LMBR1: variants seen among roughly 807,000 people sequenced by gnomAD.
LMBR1 encodes limb region 1 protein homolog.
In LMBR1, 52 loss-of-function variants were observed where a neutral mutation model predicts 73.9. The observed-to-expected ratio is 0.70, with a 90% CI of 0.56 to 0.89. The LOEUF is 0.89. Among genes scored for constraint, LMBR1 ranks in the 40% least tolerant of loss-of-function variants. The pLI is 0.00. For missense variants in LMBR1, 539 were observed against 579.8 expected, an observed-to-expected ratio of 0.93 and a Z score of 0.72; for synonymous variants, 215 against 209.4, an observed-to-expected ratio of 1.03 and a Z score of -0.23.
At position 156,679,493 on chromosome 7, in the gene LMBR1, AAT is replaced by A. The variant is rs1379645743; in HGVS notation, c.*4583_*4584del. The A allele has an allele frequency of 6.8e-6, 1 of 146,074 alleles. No individual in the cohort carries two copies. The highest frequency in any genetic ancestry group is 2.1e-4 in the East Asian group (1 of 4,784). 9.0% of individuals were successfully genotyped at this position (146,074 alleles called of 1,614,324 possible). A position where few individuals can be genotyped will look rare whatever the true frequency, so the allele number is the denominator to read the frequency against. The stretch of plus-strand genomic sequence containing the variant: ...AGATGCTGTTAAAGAGAAGTTGCAG[AAT>A]CAATATAAATAGCTACAGCAGTATC... On this transcript the variant is annotated 3_prime_UTR_variant, in exon 17 of 17. Transcript: ENST00000353442.
At chr7:156,818,550 G>T (rs891677515) in intron 4 of LMBR1, among the ~76,000 whole-genome samples, 3 of 152,112 alleles carry the variant, frequency 2.0e-5, no homozygotes, top group Non-Finnish European at 4.4e-5. Flanking sequence ...AATTTTTATT[G>T]TTATTTAGCT....
chr7:156,887,522 A>G (rs1384137504), intron 1 of LMBR1, among the ~76,000 whole-genome samples: 3 of 151,988 alleles, frequency 2.0e-5, no homozygotes, highest in Non-Finnish European at 2.9e-5. Flanking sequence ...TTAATTCAAA[A>G]TGGATCAGAC....
intron 3 of LMBR1, among the ~76,000 whole-genome samples, chr7:156,831,025 C>A (rs189326542): frequency 6.6e-6 from 1 of 152,178 alleles, no homozygotes; most frequent in Admixed American, 6.5e-5. Flanking sequence ...CAGGAAAACA[C>A]GGTAAGGAAG....
intron 1 of LMBR1, among the ~76,000 whole-genome samples, chr7:156,852,949 T>C (rs1047297217): frequency 7.2e-5 from 11 of 152,056 alleles, no homozygotes; most frequent in Non-Finnish European, 1.3e-4. Flanking sequence ...ATGCTTTTTT[T>C]TTTTTTTGAG....
intron 3 of LMBR1, 178 bp downstream of exon 3, chr7:156,833,575 G>C (rs1282762682): frequency 1.0e-5 from 3 of 296,462 alleles, no homozygotes; most frequent in Non-Finnish European, 1.7e-5. Flanking sequence ...AATTCCAATA[G>C]GAGATTGGAT....
chr7:156,873,913 C>T (rs1799735010), intron 1 of LMBR1, among the ~76,000 whole-genome samples: 1 of 152,284 alleles, frequency 6.6e-6, no homozygotes, highest in African/African-American at 2.4e-5. Context: ...TCCACATCCC[C>T]ACCAGACTCA....
intron 4 of LMBR1, among the ~76,000 whole-genome samples, chr7:156,825,627 C>T (rs1005253011): frequency 6.6e-6 from 1 of 152,090 alleles, no homozygotes; most frequent in African/African-American, 2.4e-5. Context: ...CTATGAGAGA[C>T]AAGAGTTCAG....
intron 8 of LMBR1, among the ~76,000 whole-genome samples, chr7:156,761,231 T>C (rs751096959): frequency 2.0e-5 from 3 of 152,222 alleles, no homozygotes; most frequent in South Asian, 2.1e-4. Flanking sequence ...CTTGAGTTCA[T>C]AGGCAGTGAG....
At chr7:156,783,855 T>G (rs1827600744) in intron 5 of LMBR1, among the ~76,000 whole-genome samples, 1 of 152,208 alleles carries the variant, frequency 6.6e-6, no homozygotes, top group Non-Finnish European at 1.5e-5. Flanking sequence ...GATCAGGCCA[T>G]GTCAGCTCAT....
chr7:156,763,977 G>A (rs1823615042), intron 5 of LMBR1, among the ~76,000 whole-genome samples, 182 bp from the exon 6 acceptor site: 1 of 152,026 alleles, frequency 6.6e-6, no homozygotes, highest in Non-Finnish European at 1.5e-5. Context: ...TCAAATTATG[G>A]AAAATATTAT....
intron 4 of LMBR1, among the ~76,000 whole-genome samples, chr7:156,807,781 T>C (rs1399334024): frequency 6.6e-6 from 1 of 152,214 alleles, no homozygotes; most frequent in Admixed American, 6.5e-5. Context: ...AAAAACTTTT[T>C]AGACACATCC....
At position 156,679,899 on chromosome 7, in the gene LMBR1, T is replaced by G. The variant is rs1804710925; in HGVS notation, c.*4179A>C. On this transcript the variant is annotated 3_prime_UTR_variant, in exon 17 of 17. Coordinates refer to ENST00000353442, the MANE Select transcript of LMBR1 (RefSeq NM_022458.4). ...GATTATAGTTAACCTTGAAAAAATT[T>G]TTTCCTAATTAAAGAACACAGAATT... 1 of 152,226 alleles carries G rather than the reference T, an allele frequency of 6.6e-6. No individual in the cohort carries two copies. Among genetic ancestry groups the G allele is most frequent in the South Asian group, 2.1e-4 (1 of 4,826 alleles). The allele number at this position is 152,226 out of a possible 1,614,324, so 9.4% of individuals were successfully genotyped here. A position where few individuals can be genotyped will look rare whatever the true frequency, so the allele number is the denominator to read the frequency against.
At chr7:156,686,981 T>G (rs1197519408) in intron 16 of LMBR1, among the ~76,000 whole-genome samples, 1 of 152,220 alleles carries the variant, frequency 6.6e-6, no homozygotes, top group Non-Finnish European at 1.5e-5. Flanking sequence ...TGTCAGGCAT[T>G]GCAATATTTG....
intron 4 of LMBR1, among the ~76,000 whole-genome samples, chr7:156,803,291 A>C (rs1261752229): frequency 6.6e-6 from 1 of 152,068 alleles, no homozygotes; most frequent in Non-Finnish European, 1.5e-5. Flanking sequence ...CAATGAACTC[A>C]AACAAATTTA....
chr7:156,749,977 C>T (rs993704058), intron 9 of LMBR1, among the ~76,000 whole-genome samples: 1 of 152,044 alleles, frequency 6.6e-6, no homozygotes, highest in African/African-American at 2.4e-5. Flanking sequence ...GTGTGAACCA[C>T]TGAAAAGATG....
chr7:156,843,827 C>A (rs1839135865), intron 1 of LMBR1, among the ~76,000 whole-genome samples: 2 of 128,294 alleles, frequency 1.6e-5, no homozygotes, highest in Non-Finnish European at 3.3e-5. Context: ...CAGAGCAAGA[C>A]CCTGTCTCAA....
intron 9 of LMBR1, 52 bp from the exon 10 acceptor site, chr7:156,734,309 G>C: frequency 1.8e-6 from 2 of 1,129,242 alleles, no homozygotes; most frequent in Non-Finnish European, 2.5e-6. Context: ...TAACACTATA[G>C]AACAGGTAGC....
At chr7:156,859,974 T>C (rs1019573389) in intron 1 of LMBR1, among the ~76,000 whole-genome samples, 7 of 152,142 alleles carry the variant, frequency 4.6e-5, no homozygotes, top group Non-Finnish European at 1.0e-4. Context: ...AGAGAGTTGA[T>C]AAATAAACCC....
In LMBR1 at chr7:156,669,884, C is replaced by T. The variant is rs78279709; in HGVS notation, n.867-597G>A. On this transcript the variant is annotated intron_variant and non_coding_transcript_variant, in intron 4 of 4. Coordinates refer to the LMBR1 transcript ENST00000430825. The surrounding 1 kb of genome is among the most constrained non-coding windows in gnomAD (Gnocchi z 4.2). ...GGCTTGGGGACTCTGTTCCAGGTGACAGGAGGGCGGGCGGTCATGGCCTAG... is the reference window on the plus strand; with the variant it reads ...GGCTTGGGGACTCTGTTCCAGGTGATAGGAGGGCGGGCGGTCATGGCCTAG... Among the ~76,000 whole-genome samples the T allele has an allele frequency of 3.3e-3, 499 of 152,258 alleles. 6 individuals carry two copies. Among genetic ancestry groups the T allele is most frequent in the African/African-American group, 0.011 (466 of 41,568 alleles).
Sources: gnomAD v4.1 joint callset for allele counts (sites outside exome capture counted in the v4.1 genomes callset) on GRCh38, gnomAD v4.1.1 for gene constraint, Gnocchi (gnomAD v3.1) non-coding constraint, MANE v1.5 for transcripts, NCBI Gene and HGNC (gene_info 2026-07-23, HGNC 2026-07-21) for gene names.